ADARB2: variants seen among roughly 807,000 people sequenced by gnomAD.
ADARB2 encodes the protein inactive double-stranded RNA-specific editase B2.
ADARB2 carries 25 observed loss-of-function variants against 62.2 expected under a neutral mutation model. That is an observed-to-expected ratio of 0.40 (90% CI 0.29 to 0.56). The LOEUF is 0.56. Ranked by LOEUF, ADARB2 falls within the 20% of genes least tolerant of loss-of-function variation. ADARB2 has a pLI of 0.43. For missense variants in ADARB2, 1,071 were observed against 1,077.4 expected (o/e 0.99, Z 0.08); for synonymous variants, 572 against 500.8 (o/e 1.14, Z -1.90).
intron 1 of ADARB2, among the ~76,000 whole-genome samples, chr10:1,688,043 C>T (rs1020240816): frequency 6.6e-6 from 1 of 152,188 alleles, no homozygotes; most frequent in East Asian, 1.9e-4. Context: ...AGGAATGCCT[C>T]AAAACACAAT....
chr10:1,304,088 TAA>T (rs1831602007), intron 3 of ADARB2, among the ~76,000 whole-genome samples: 1 of 150,712 alleles, frequency 6.6e-6, no homozygotes, highest in Non-Finnish European at 1.5e-5. Context: ...GCAAATTGGA[TAA>T]AGAGTCAAGA....
At chr10:1,570,623 C>G (rs1832922385) in intron 1 of ADARB2, among the ~76,000 whole-genome samples, 1 of 152,210 alleles carries the variant, frequency 6.6e-6, no homozygotes, top group African/African-American at 2.4e-5. Context: ...TCTCATGCCC[C>G]CTGGCCTGTC....
chr10:1,635,831 T>A (rs1833911830), intron 1 of ADARB2, among the ~76,000 whole-genome samples: 1 of 152,160 alleles, frequency 6.6e-6, no homozygotes, highest in Admixed American at 6.5e-5. Flanking sequence ...CCTCACTCTA[T>A]CCCTGGACAG....
intron 1 of ADARB2, among the ~76,000 whole-genome samples, chr10:1,395,244 G>A (rs1383793055): frequency 1.3e-5 from 2 of 152,250 alleles, no homozygotes; most frequent in East Asian, 1.9e-4. Context: ...GCTCCGGCCC[G>A]ACAGCTGATG....
At chr10:1,500,872 T>C (rs1030561495) in intron 1 of ADARB2, among the ~76,000 whole-genome samples, 2 of 152,128 alleles carry the variant, frequency 1.3e-5, no homozygotes, top group Non-Finnish European at 2.9e-5. Flanking sequence ...CCTTTTAAAA[T>C]TTTACTTTAT....
chr10:1,476,566 A>C (rs1327855460), intron 1 of ADARB2, among the ~76,000 whole-genome samples: 1 of 152,156 alleles, frequency 6.6e-6, no homozygotes, highest in Non-Finnish European at 1.5e-5. Flanking sequence ...GCTTCCATGG[A>C]AACGCACACA....
rs1285180784 is a variant in ADARB2 at position 1,200,080 on chromosome 10, T to G, written c.1750A>C (p.Ile584Leu). Residue 584 changes from isoleucine to leucine, a missense_variant, in exon 8 of 10, where the codon ATC becomes CTC. By Grantham distance (5) the Ile-to-Leu change is conservative. Transcript: ENST00000381312. ...HFVEPVYLQS[I>L]VVGSLHHTGH... ...GTGTGGTGCAGGCTGCCCACCACGA[T>G]GCTCTGCAGGTACACGGGCTCCACG... 1 of 1,577,418 alleles carries G rather than the reference T, an allele frequency of 6.3e-7. No individual in the cohort carries two copies.
In ADARB2 at chr10:1,183,021, AG is replaced by A. The variant is rs1338785691; in HGVS notation, c.*171del. On this transcript the variant is annotated 3_prime_UTR_variant, in exon 10 of 10. Transcript: ENST00000381312. ...GTTCTGGGGCCAGCGATCTGGAAAG[AG>A]GCACGTTCTGAATTTGTGTTGTTGC... 3 of 737,750 alleles carry A rather than the reference AG, an allele frequency of 4.1e-6. No individual in the cohort carries two copies. In the African/African-American group the frequency reaches 5.3e-5, roughly 13 times the overall value. The allele number at this position is 737,750 out of a possible 1,614,324, so 45.7% of individuals were successfully genotyped here. A position where few individuals can be genotyped will look rare whatever the true frequency, so the allele number is the denominator to read the frequency against.
intron 3 of ADARB2, among the ~76,000 whole-genome samples, chr10:1,294,658 TTC>T (rs1831508537): frequency 6.6e-6 from 1 of 152,190 alleles, no homozygotes; most frequent in Non-Finnish European, 1.5e-5. Context: ...TGCCTTGCCT[TTC>T]TGTTATCTTG....
At chr10:1,561,967 A>G (rs1277110898) in intron 1 of ADARB2, among the ~76,000 whole-genome samples, 1 of 152,182 alleles carries the variant, frequency 6.6e-6, no homozygotes, top group Non-Finnish European at 1.5e-5. Context: ...TCCTGCTAAA[A>G]TGCTTCTGTG....
At chr10:1,197,949 T>G (rs1424418339) in intron 8 of ADARB2, among the ~76,000 whole-genome samples, 2 of 152,226 alleles carry the variant, frequency 1.3e-5, no homozygotes, top group Non-Finnish European at 2.9e-5. Context: ...CATAGAGTTT[T>G]ATTAATTACT....
At chr10:1,372,476 A>G (rs74547090) in intron 2 of ADARB2, among the ~76,000 whole-genome samples, 1 of 8,670 alleles carries the variant, frequency 1.2e-4, no homozygotes, top group Non-Finnish European at 0.5. Context: ...AAATTAAATT[A>G]AAAAAAAGTT....
At chr10:1,376,807 G>A (rs1370500377) in intron 2 of ADARB2, among the ~76,000 whole-genome samples, 1 of 139,134 alleles carries the variant, frequency 7.2e-6, no homozygotes, top group African/African-American at 2.7e-5. Context: ...AGGAAACAGT[G>A]AACTTCCCCT....
intron 3 of ADARB2, among the ~76,000 whole-genome samples, chr10:1,352,553 C>T (rs1832153869): frequency 6.6e-6 from 1 of 152,218 alleles, no homozygotes; most frequent in Non-Finnish European, 1.5e-5. Flanking sequence ...ACAACTTGAC[C>T]TTACTGTTTT....
chr10:1,696,280 A>G (rs1874990), intron 1 of ADARB2, among the ~76,000 whole-genome samples: 114,170 of 145,254 alleles, frequency 0.79, 43,626 homozygotes, highest in East Asian at 0.97. Flanking sequence ...GTTTGTGTGT[A>G]TGCACGTGTG....
chr10:1,630,053 G>A (rs1212223141), intron 1 of ADARB2, among the ~76,000 whole-genome samples: 1 of 152,164 alleles, frequency 6.6e-6, no homozygotes, highest in Non-Finnish European at 1.5e-5. Context: ...CTAGACAGGA[G>A]CCTCTAGCCT....
At chr10:1,729,054 G>A (rs1360185564) in intron 1 of ADARB2, among the ~76,000 whole-genome samples, 1 of 152,110 alleles carries the variant, frequency 6.6e-6, no homozygotes, top group African/African-American at 2.4e-5. Flanking sequence ...ATTTCTCCTT[G>A]AGCCATGTAT....
intron 1 of ADARB2, among the ~76,000 whole-genome samples, chr10:1,528,198 G>A (rs553270788): frequency 6.6e-6 from 1 of 152,310 alleles, no homozygotes; most frequent in African/African-American, 2.4e-5. Context: ...CTGCATTAAT[G>A]TTACTGTGCG....
chr10:1,503,417 C>T (rs148850228), intron 1 of ADARB2, among the ~76,000 whole-genome samples: 133 of 151,048 alleles, frequency 8.8e-4, no homozygotes, highest in African/African-American at 3.2e-3. Context: ...TACTTCTGGT[C>T]TCCAGAGACC....
Sources: allele counts gnomAD v4.1 joint callset (sites outside exome capture counted in the v4.1 genomes callset), GRCh38; gene constraint gnomAD v4.1.1; transcripts MANE v1.5; gene names NCBI Gene and HGNC (gene_info 2026-07-23, HGNC 2026-07-21).